The following CLYBL variants were observed in gnomAD, a reference collection of about 807,000 sequenced individuals.
CLYBL encodes the protein citramalyl-CoA lyase, also known as citramalyl-CoA lyase, mitochondrial.
A neutral mutation model predicts 38.9 loss-of-function variants in CLYBL; 31 were observed. The ratio of observed to expected loss-of-function variants is 0.80; its 90% CI spans 0.60 to 1.08. The LOEUF (loss-of-function observed/expected upper bound fraction) is 1.08, where lower values mean the gene tolerates loss of function less well. Ranked by LOEUF, CLYBL falls within the 50% of genes least tolerant of loss-of-function variation. The pLI, the probability that CLYBL is intolerant of heterozygous loss-of-function variation, is 0.00. For missense variants in CLYBL, 434 were observed against 411.6 expected (o/e 1.05, Z -0.47); for synonymous variants, 171 against 158.6 (o/e 1.08, Z -0.59).
At chr13:99,765,102 T>C (rs2049243122) in intron 1 of CLYBL, among the ~76,000 whole-genome samples, 2 of 152,124 alleles carry the variant, frequency 1.3e-5, no homozygotes, top group African/African-American at 4.8e-5. Flanking sequence ...AATAACTCAA[T>C]ATTTAGTGTT....
At chr13:99,653,394 A>G (rs747293034) in intron 1 of CLYBL, among the ~76,000 whole-genome samples, 16 of 151,728 alleles carry the variant, frequency 1.1e-4, no homozygotes, top group Non-Finnish European at 1.8e-4. Flanking sequence ...AAAGTCCTGT[A>G]TATAAGGGGG....
intron 1 of CLYBL, among the ~76,000 whole-genome samples, chr13:99,761,332 G>A (rs374323690): frequency 6.6e-6 from 1 of 152,222 alleles, no homozygotes; most frequent in Non-Finnish European, 1.5e-5. Flanking sequence ...CAGCCTAGGC[G>A]ACAGAGTGAG....
At chr13:99,902,890 AG>A (rs573298810) in intron 8 of CLYBL, among the ~76,000 whole-genome samples, 25 of 152,362 alleles carry the variant, frequency 1.6e-4, no homozygotes, top group African/African-American at 5.8e-4. Context: ...CAGAAGCCCC[AG>A]GGCATGAGCT....
intron 2 of CLYBL, among the ~76,000 whole-genome samples, chr13:99,815,630 A>G (rs1398310613): frequency 3.9e-5 from 6 of 152,196 alleles, no homozygotes; most frequent in African/African-American, 1.2e-4. Context: ...TCAGGCCTGT[A>G]ATCCCAATAC....
At chr13:99,857,627 T>G (rs2051492231) in intron 2 of CLYBL, among the ~76,000 whole-genome samples, 1 of 152,198 alleles carries the variant, frequency 6.6e-6, no homozygotes, top group Admixed American at 6.5e-5. Context: ...CAGACCACAT[T>G]TGGAAGCATT....
intron 2 of CLYBL, among the ~76,000 whole-genome samples, chr13:99,776,024 C>T (rs868680087): frequency 1.3e-5 from 2 of 151,686 alleles, no homozygotes; most frequent in South Asian, 2.1e-4. Flanking sequence ...ATTAGCTGGG[C>T]GTGGTGGCGG....
intron 7 of CLYBL, among the ~76,000 whole-genome samples, chr13:99,883,238 C>G (rs527708954): frequency 6.6e-6 from 1 of 151,936 alleles, no homozygotes; most frequent in Non-Finnish European, 1.5e-5. Flanking sequence ...ATAGCAGAAC[C>G]GACCGGGCGC....
At chr13:99,886,708 G>A (rs2052358686) in intron 7 of CLYBL, among the ~76,000 whole-genome samples, 2 of 152,258 alleles carry the variant, frequency 1.3e-5, no homozygotes, top group African/African-American at 4.8e-5. Flanking sequence ...TGTGAGCAGT[G>A]CAGTCTCGCA....
chr13:99,788,649 G>A (rs2049850485), intron 2 of CLYBL, among the ~76,000 whole-genome samples: 1 of 152,134 alleles, frequency 6.6e-6, no homozygotes, highest in African/African-American at 2.4e-5. Flanking sequence ...AGGGATTTTG[G>A]TCTAAAGTTC....
At chr13:99,631,929 T>A (rs1178199723) in intron 1 of CLYBL, among the ~76,000 whole-genome samples, 1 of 152,082 alleles carries the variant, frequency 6.6e-6, no homozygotes, top group East Asian at 1.9e-4. Context: ...AAAACTATTG[T>A]AAGTCACCAG....
intron 1 of CLYBL, among the ~76,000 whole-genome samples, chr13:99,767,012 G>C (rs936015708): frequency 1.3e-5 from 2 of 152,206 alleles, no homozygotes; most frequent in Non-Finnish European, 2.9e-5. Context: ...TCTCCCTTCA[G>C]GCACTTGCGA....
intron 1 of CLYBL, among the ~76,000 whole-genome samples, chr13:99,682,579 G>A (rs2047752267): frequency 6.6e-6 from 1 of 152,096 alleles, no homozygotes; most frequent in Non-Finnish European, 1.5e-5. Context: ...ATGTTGTTCT[G>A]GGTGAGTCAG....
chr13:99,680,017 C>T (rs945634041), intron 1 of CLYBL, among the ~76,000 whole-genome samples: 5 of 152,152 alleles, frequency 3.3e-5, no homozygotes, highest in African/African-American at 1.2e-4. Context: ...TTAGGATGCT[C>T]AGTTTGTACT....
intron 1 of CLYBL, among the ~76,000 whole-genome samples, chr13:99,734,263 G>A (rs1479520587): frequency 6.6e-6 from 1 of 152,018 alleles, no homozygotes; most frequent in East Asian, 1.9e-4. Context: ...AAAAGCCTGG[G>A]TTTCTGGGTT....
In CLYBL at chr13:99,885,829, C is replaced by T. The variant is rs866042274; in HGVS notation, c.928-5489C>T. 7.2e-5 allele frequency among the ~76,000 whole-genome samples: 11 copies of T among 152,324 alleles called. No homozygotes were observed. The South Asian group carries it at 2.3e-3, about 32-fold the overall frequency. On this transcript the variant is annotated intron_variant, in intron 7 of 8. Coordinates refer to ENST00000339105, the MANE Select transcript of CLYBL (RefSeq NM_206808.5). ...AGAGTGTCTCCGGGAGCATCATCTT[C>T]CGCCTTTCCTGAGGAGTTTCAGGGC...
At chr13:99,711,369 G>A (rs148828738) in intron 1 of CLYBL, among the ~76,000 whole-genome samples, 4 of 150,012 alleles carry the variant, frequency 2.7e-5, no homozygotes, top group South Asian at 2.1e-4. Flanking sequence ...TTCTCACTGC[G>A]TCCTCATATG....
At chr13:99,669,255 G>A (rs2047529806) in intron 1 of CLYBL, among the ~76,000 whole-genome samples, 1 of 152,116 alleles carries the variant, frequency 6.6e-6, no homozygotes, top group Non-Finnish European at 1.5e-5. Flanking sequence ...GCCCGCCTCA[G>A]CCTCCTAAAG....
chr13:99,825,104 T>C (rs2050669844), intron 2 of CLYBL, among the ~76,000 whole-genome samples: 1 of 152,234 alleles, frequency 6.6e-6, no homozygotes, highest in Non-Finnish European at 1.5e-5. Context: ...CATGGTTTCT[T>C]GGACAGGCAG....
At chr13:99,824,997 C>G (rs577101238) in intron 2 of CLYBL, among the ~76,000 whole-genome samples, 25 of 152,202 alleles carry the variant, frequency 1.6e-4, no homozygotes, top group Non-Finnish European at 3.2e-4. Flanking sequence ...CAATAGAGCT[C>G]TCTGCACCCA....
Sources: gnomAD v4.1 joint callset for allele counts (sites outside exome capture counted in the v4.1 genomes callset) on GRCh38, gnomAD v4.1.1 for gene constraint, MANE v1.5 for transcripts, NCBI Gene and HGNC (gene_info 2026-07-23, HGNC 2026-07-21) for gene names.